The following PREX2 variants were observed in gnomAD, a reference collection of about 807,000 sequenced individuals.
The protein encoded by PREX2 is phosphatidylinositol 3,4,5-trisphosphate-dependent Rac exchanger 2 protein.
PREX2 carries 107 observed loss-of-function variants against 203.2 expected under a neutral mutation model. The ratio of observed to expected loss-of-function variants is 0.53; its 90% CI spans 0.45 to 0.62. The LOEUF (loss-of-function observed/expected upper bound fraction) is 0.62. Among genes scored for constraint, PREX2 ranks in the 20% least tolerant of loss-of-function variants. PREX2 has a pLI of 0.00. For missense variants in PREX2, 1,777 were observed against 1,955.9 expected (o/e 0.91, Z 1.72); for synonymous variants, 672 against 663.6 (o/e 1.01, Z -0.19).
chr8:68,083,721 G>A (rs1000260582), intron 18 of PREX2, among the ~76,000 whole-genome samples: 13 of 151,996 alleles, frequency 8.6e-5, no homozygotes, highest in African/African-American at 2.9e-4. Flanking sequence ...CTCCATGTTC[G>A]GCTATAAGAA....
At chr8:68,206,573 GA>G (rs1277287125) in intron 37 of PREX2, among the ~76,000 whole-genome samples, 1 of 152,134 alleles carries the variant, frequency 6.6e-6, no homozygotes, top group Non-Finnish European at 1.5e-5. Context: ...TTAGAGCTTT[GA>G]AAAAGGCATT....
chr8:68,069,248 G>T (rs888067603), intron 12 of PREX2, 112 bp downstream of exon 12: 7 of 614,432 alleles, frequency 1.1e-5, no homozygotes, highest in African/African-American at 2.0e-5. Flanking sequence ...AAAATTCTTC[G>T]ACTATATATA....
chr8:68,049,912 A>G (rs1362400868), intron 8 of PREX2, among the ~76,000 whole-genome samples: 1 of 152,014 alleles, frequency 6.6e-6, no homozygotes, highest in African/African-American at 2.4e-5. Context: ...TGAAGCTATT[A>G]TATGTCACTG....
intron 20 of PREX2, among the ~76,000 whole-genome samples, chr8:68,092,627 A>G (rs1371889921): frequency 6.6e-6 from 1 of 152,120 alleles, no homozygotes; most frequent in Non-Finnish European, 1.5e-5. Flanking sequence ...ATTTGGAGGG[A>G]TTAAAAGATA....
chr8:68,217,784 A>G (rs1055215706), intron 38 of PREX2, 66 bp downstream of exon 38: 3 of 1,202,224 alleles, frequency 2.5e-6, no homozygotes, highest in Middle Eastern at 1.9e-4. Context: ...TCCTTTGTTC[A>G]TTTATCAGGG....
intron 8 of PREX2, among the ~76,000 whole-genome samples, chr8:68,049,093 T>C (rs1808445165): frequency 6.6e-6 from 1 of 151,024 alleles, no homozygotes; most frequent in Non-Finnish European, 1.5e-5. Context: ...TTTTAGATTT[T>C]TAAAAGGAAA....
chr8:68,098,197 C>T (rs1307858160), intron 22 of PREX2, among the ~76,000 whole-genome samples: 1 of 152,134 alleles, frequency 6.6e-6, no homozygotes, highest in Admixed American at 6.5e-5. Flanking sequence ...TCATACTGCT[C>T]TATATTCTAT....
chr8:68,230,104 T>G (rs1390558459), intron 39 of PREX2, among the ~76,000 whole-genome samples: 1 of 152,334 alleles, frequency 6.6e-6, no homozygotes, highest in East Asian at 1.9e-4. Flanking sequence ...AGTCAATAGC[T>G]TCTTCTACGT....
At chr8:68,046,076 T>G (rs1444059297) in intron 8 of PREX2, among the ~76,000 whole-genome samples, 2 of 152,042 alleles carry the variant, frequency 1.3e-5, no homozygotes, top group Non-Finnish European at 2.9e-5. Context: ...TGGACCTGAT[T>G]ACCCATAATG....
Position 68,067,424 on chromosome 8 carries a change from A to G in PREX2, c.1340-1609A>G, listed in dbSNP as rs140728514. ...TAGTTTGTAGTTTATTATTTCTTTC[A>G]TGGTTTATAGTTTTCAGTGTACAGA... On this transcript the variant is annotated intron_variant, in intron 11 of 39. Transcript: ENST00000288368. 7.9e-4 allele frequency among the ~76,000 whole-genome samples: 120 copies of G among 151,626 alleles called. 1 individual carries two copies. In the East Asian group the frequency reaches 0.021, roughly 27 times the overall value.
At chr8:68,093,839 C>T (rs1273441517) in intron 21 of PREX2, 117 bp downstream of exon 21, 1 of 515,952 alleles carries the variant, frequency 1.9e-6, no homozygotes, top group African/African-American at 1.9e-5. Context: ...AAGTCGTTAT[C>T]ACCAAACAGA....
chr8:68,212,645 T>C (rs1812761148), intron 37 of PREX2, among the ~76,000 whole-genome samples: 1 of 152,224 alleles, frequency 6.6e-6, no homozygotes, highest in African/African-American at 2.4e-5. Flanking sequence ...ACATTTTTTC[T>C]CCACAATTTT....
chr8:68,052,548 C>T (rs1384351672), intron 8 of PREX2, among the ~76,000 whole-genome samples: 2 of 152,234 alleles, frequency 1.3e-5, no homozygotes, highest in East Asian at 1.9e-4. Context: ...TGACAATCTA[C>T]GATGATAATG....
At chr8:68,177,772 T>C (rs1812009387) in intron 35 of PREX2, among the ~76,000 whole-genome samples, 1 of 152,194 alleles carries the variant, frequency 6.6e-6, no homozygotes, top group Non-Finnish European at 1.5e-5. Context: ...CTATTCTTCC[T>C]GCTGTTCTCC....
At chr8:68,174,166 G>A (rs1244592576) in intron 35 of PREX2, among the ~76,000 whole-genome samples, 1 of 152,078 alleles carries the variant, frequency 6.6e-6, no homozygotes, top group Non-Finnish European at 1.5e-5. Context: ...TACCATGCAG[G>A]TGAATGAGTG....
intron 5 of PREX2, among the ~76,000 whole-genome samples, chr8:68,028,285 T>A (rs953717080): frequency 1.3e-5 from 2 of 151,800 alleles, no homozygotes; most frequent in Non-Finnish European, 2.9e-5. Flanking sequence ...AACTATTTTA[T>A]ATAAATCAAT....
chr8:67,965,105 C>T (rs573409559), intron 1 of PREX2, among the ~76,000 whole-genome samples: 4 of 152,224 alleles, frequency 2.6e-5, no homozygotes, highest in South Asian at 2.1e-4. Flanking sequence ...AACCATCAAG[C>T]GCAAGAGAGC....
chr8:68,215,201 A>G (rs551297495), intron 37 of PREX2, among the ~76,000 whole-genome samples: 76 of 152,286 alleles, frequency 5.0e-4, no homozygotes, highest in African/African-American at 1.7e-3. Context: ...GGAGAAAGAG[A>G]TCAGTTTAAA....
rs376825213 is a variant in PREX2, at chr8:68,022,155, A to G, written c.441+15A>G. On this transcript the variant is annotated intron_variant, in intron 4 of 39. Transcript: ENST00000288368. ...CATTTCTTTTGGTAAGTGTATATTT[A>G]TGTGTTACTGTATGTTGATATGTGT... 2.6e-4 allele frequency: 318 copies of G among 1,216,366 alleles called. No homozygotes were observed. Among genetic ancestry groups the G allele is most frequent in the Admixed American group, 3.9e-4 (23 of 59,456 alleles). 75.3% of individuals were successfully genotyped at this position (1,216,366 alleles called of 1,614,324 possible).
Sources: allele counts gnomAD v4.1 joint callset (sites outside exome capture counted in the v4.1 genomes callset), GRCh38; gene constraint gnomAD v4.1.1; transcripts MANE v1.5; gene names NCBI Gene and HGNC (gene_info 2026-07-23, HGNC 2026-07-21).